The following TGFA variants were observed in gnomAD, a reference collection of about 807,000 sequenced individuals.
TGFA encodes transforming growth factor alpha.
A neutral mutation model predicts 21.7 loss-of-function variants in TGFA; 12 were observed. The ratio of observed to expected loss-of-function variants is 0.55; its 90% CI spans 0.35 to 0.90. The LOEUF (loss-of-function observed/expected upper bound fraction) is 0.90. Ranked by LOEUF, TGFA falls within the 40% of genes least tolerant of loss-of-function variation. The pLI is 0.01. For synonymous variants in TGFA, 79 were observed against 88.1 expected, an observed-to-expected ratio of 0.90 and a Z score of 0.58; for missense variants, 178 against 210.8, an observed-to-expected ratio of 0.84 and a Z score of 0.96.
chr2:70,521,594 GT>G (rs1298368482), intron 1 of TGFA, among the ~76,000 whole-genome samples: 10 of 112,004 alleles, frequency 8.9e-5, no homozygotes, highest in Admixed American at 7.2e-4. Context: ...ACTATTGATA[GT>G]TTTTTTTGTT....
chr2:70,519,456 T>C (rs1672384411), intron 1 of TGFA, among the ~76,000 whole-genome samples: 2 of 152,220 alleles, frequency 1.3e-5, no homozygotes, highest in African/African-American at 4.8e-5. Flanking sequence ...TTCATCAATA[T>C]TTTTAAATCC....
intron 2 of TGFA, among the ~76,000 whole-genome samples, chr2:70,494,469 T>C (rs1459623512): frequency 6.6e-6 from 1 of 152,190 alleles, no homozygotes; most frequent in Non-Finnish European, 1.5e-5. Flanking sequence ...AACACTAAGC[T>C]AAGTTTTGGC....
intron 1 of TGFA, among the ~76,000 whole-genome samples, chr2:70,518,340 C>A (rs782319829): frequency 6.6e-6 from 1 of 152,176 alleles, no homozygotes; most frequent in Admixed American, 6.5e-5. Context: ...CCACATGCAA[C>A]GGAAGAAAAC....
At chr2:70,481,707 C>T (rs10173132) in intron 2 of TGFA, among the ~76,000 whole-genome samples, 5,091 of 152,328 alleles carry the variant, frequency 0.033, 268 homozygotes, top group African/African-American at 0.12. Flanking sequence ...ACTGTAACTT[C>T]TGCCTTGTTC....
At chr2:70,535,850 T>C (rs1553504297) in intron 1 of TGFA, among the ~76,000 whole-genome samples, 1 of 152,202 alleles carries the variant, frequency 6.6e-6, no homozygotes, top group Non-Finnish European at 1.5e-5. Flanking sequence ...GCAATACCAG[T>C]CTGTTAGCCA....
At chr2:70,485,214 A>T (rs1407393742) in intron 2 of TGFA, among the ~76,000 whole-genome samples, 1 of 152,036 alleles carries the variant, frequency 6.6e-6, no homozygotes, top group African/African-American at 2.4e-5. Flanking sequence ...CCCTTCCTAA[A>T]TTGATACGCC....
In TGFA at chr2:70,449,752, G is replaced by C; in HGVS notation, c.*1107C>G. Reference sequence around the variant, plus strand: ...CCAAGCAACAAAATGGAAAATAAATGACTGGTCCCCCTTTCATGGATTTGG... The same window carrying C: ...CCAAGCAACAAAATGGAAAATAAATCACTGGTCCCCCTTTCATGGATTTGG... On this transcript the variant is annotated 3_prime_UTR_variant, in exon 6 of 6. Coordinates refer to ENST00000295400, the MANE Select transcript of TGFA (RefSeq NM_003236.4). The C allele has an allele frequency of 5.3e-6, 1 of 188,296 alleles. No individual in the cohort carries two copies. The allele number at this position is 188,296 out of a possible 1,614,324, so 11.7% of individuals were successfully genotyped here. A position where few individuals can be genotyped will look rare whatever the true frequency, so the allele number is the denominator to read the frequency against.
At chr2:70,456,919 C>T (rs1670250090) in intron 3 of TGFA, among the ~76,000 whole-genome samples, 1 of 152,188 alleles carries the variant, frequency 6.6e-6, no homozygotes, top group South Asian at 2.1e-4. Flanking sequence ...GAGACATTGG[C>T]TTGTGGTTTG....
intron 1 of TGFA, chr2:70,553,194 C>A (rs868944061): frequency 1.3e-6 from 2 of 1,536,186 alleles, no homozygotes; most frequent in African/African-American, 2.7e-5. Context: ...CCCCAAAGCT[C>A]AAGAGCTCTG....
chr2:70,449,158 G>A lies in TGFA; in HGVS notation c.*1701C>T, dbSNP rs1669975126. On this transcript the variant is annotated 3_prime_UTR_variant, in exon 6 of 6. Transcript: ENST00000295400. ...GTTAAATAAGAGTGCCAAAAATGAA[G>A]ACACGGGTCATAGAATTGTCTGAAT... 6.6e-6 allele frequency: 1 copy of A among 151,912 alleles called. No homozygotes were observed. Among genetic ancestry groups the A allele is most frequent in the Non-Finnish European group, 1.5e-5 (1 of 67,996 alleles). The allele number at this position is 151,912 out of a possible 1,614,324, so 9.4% of individuals were successfully genotyped here. A position where few individuals can be genotyped will look rare whatever the true frequency, so the allele number is the denominator to read the frequency against.
chr2:70,455,418 T>A (rs1670200330), intron 4 of TGFA, among the ~76,000 whole-genome samples: 1 of 152,190 alleles, frequency 6.6e-6, no homozygotes. Context: ...ATGTAGCTAC[T>A]GACCACAACC....
At chr2:70,478,502 A>G (rs1671006040) in intron 2 of TGFA, among the ~76,000 whole-genome samples, 1 of 43,234 alleles carries the variant, frequency 2.3e-5, no homozygotes, top group Non-Finnish European at 5.1e-5. Context: ...TACCACTGGA[A>G]AAAAAAAAAG....
chr2:70,476,286 ATACTT>A (rs1275099388), intron 2 of TGFA, among the ~76,000 whole-genome samples: 1 of 152,096 alleles, frequency 6.6e-6, no homozygotes, highest in Non-Finnish European at 1.5e-5. Context: ...CATTTGGAAA[ATACTT>A]TACTTCCAAG....
At chr2:70,517,504 G>T (rs116670814) in intron 1 of TGFA, among the ~76,000 whole-genome samples, 2 of 152,220 alleles carry the variant, frequency 1.3e-5, no homozygotes, top group African/African-American at 4.8e-5. Context: ...TGTTCTGCAT[G>T]TGTTCTCTTA....
At position 70,501,963 on chromosome 2, in the gene TGFA, A is replaced by G. The variant is rs58724319; in HGVS notation, c.94+12896T>C. On this transcript the variant is annotated intron_variant, in intron 2 of 5. Coordinates refer to ENST00000295400, the MANE Select transcript of TGFA (RefSeq NM_003236.4). ...GTGAGAACATGACTTCCTCAAGCAAATGGTCCTGCCGTTTTCACCTCTGTG... is the reference window on the plus strand; with the variant it reads ...GTGAGAACATGACTTCCTCAAGCAAGTGGTCCTGCCGTTTTCACCTCTGTG... 4.0e-3 allele frequency among the ~76,000 whole-genome samples: 604 copies of G among 152,332 alleles called. 5 individuals are homozygous for G. Among genetic ancestry groups the G allele is most frequent in the African/African-American group, 0.014 (586 of 41,586 alleles).
intron 1 of TGFA, among the ~76,000 whole-genome samples, chr2:70,530,023 C>T (rs943621533): frequency 4.6e-5 from 7 of 152,194 alleles, no homozygotes; most frequent in African/African-American, 1.4e-4. Flanking sequence ...ATACTATTCC[C>T]TGCCTTCTCC....
intron 2 of TGFA, among the ~76,000 whole-genome samples, chr2:70,492,775 A>T (rs149817208): frequency 7.5e-4 from 115 of 152,344 alleles, no homozygotes; most frequent in African/African-American, 2.5e-3. Flanking sequence ...TGGGTTAACA[A>T]GTCATAACTA....
intron 1 of TGFA, among the ~76,000 whole-genome samples, chr2:70,544,459 C>T (rs771470091): frequency 5.3e-5 from 8 of 151,944 alleles, no homozygotes; most frequent in Non-Finnish European, 1.0e-4. Flanking sequence ...TAACAAAACT[C>T]GTTAAGATAT....
At chr2:70,525,427 T>C (rs1003733784) in intron 1 of TGFA, among the ~76,000 whole-genome samples, 16 of 152,290 alleles carry the variant, frequency 1.1e-4, no homozygotes, top group African/African-American at 3.9e-4. Flanking sequence ...GCATGCTCAC[T>C]TGAGTTGATA....
Sources: gnomAD v4.1 joint callset for allele counts (sites outside exome capture counted in the v4.1 genomes callset) on GRCh38, gnomAD v4.1.1 for gene constraint, MANE v1.5 for transcripts, NCBI Gene and HGNC (gene_info 2026-07-23, HGNC 2026-07-21) for gene names.